The following SLC67A1 variants were observed in gnomAD, a reference collection of about 807,000 sequenced individuals.
SLC67A1 encodes solute carrier family 67 member A1.
the SLC67A1 span, among the ~76,000 whole-genome samples, chr11:2,901,540 G>C: frequency 6.6e-6 from 1 of 152,258 alleles, no homozygotes; most frequent in Admixed American, 6.5e-5. Context: ...CACGGAGAAT[G>C]GTGCCCAGGC....
the SLC67A1 span, chr11:2,916,810 C>T: frequency 1.4e-6 from 2 of 1,387,748 alleles, no homozygotes; most frequent in South Asian, 2.4e-5. Flanking sequence ...CCTGCGTGCT[C>T]CAGCCAAGGG....
the SLC67A1 span, chr11:2,903,371 AC>A: frequency 6.2e-7 from 1 of 1,612,796 alleles, no homozygotes; most frequent in Non-Finnish European, 8.5e-7. Flanking sequence ...GCTCCCAGGG[AC>A]CAGGGCCGGT....
the SLC67A1 span, among the ~76,000 whole-genome samples, chr11:2,922,881 G>A: frequency 6.6e-6 from 1 of 152,192 alleles, no homozygotes; most frequent in Non-Finnish European, 1.5e-5. Flanking sequence ...AGGCCTGGAG[G>A]CCCCGGGGAC....
chr11:2,914,681 T>C, the SLC67A1 span: 4 of 984,914 alleles, frequency 4.1e-6, no homozygotes, highest in Admixed American at 6.1e-5. Flanking sequence ...CCTGCCACCA[T>C]GCCTTGCTTG....
chr11:2,904,976 C>T, the SLC67A1 span, among the ~76,000 whole-genome samples: 1 of 152,136 alleles, frequency 6.6e-6, no homozygotes, highest in Admixed American at 6.5e-5. Context: ...TGTCAATGGA[C>T]TGTAGTGGGT....
the SLC67A1 span, chr11:2,917,960 G>A: frequency 6.4e-7 from 1 of 1,570,686 alleles, no homozygotes; most frequent in Non-Finnish European, 8.7e-7. Context: ...AATGGCCTTT[G>A]CAGGCCTGAA....
chr11:2,925,234 T>A, the SLC67A1 span: 1 of 1,586,880 alleles, frequency 6.3e-7, no homozygotes, highest in Non-Finnish European at 8.6e-7. This position sits in a 1 kb window ranked among gnomAD's most constrained non-coding sequence, Gnocchi z 6.5. Flanking sequence ...AAACTCCTAC[T>A]AAATCCCTCC....
chr11:2,907,356 G>A, the SLC67A1 span, among the ~76,000 whole-genome samples: 3 of 152,132 alleles, frequency 2.0e-5, no homozygotes, highest in Admixed American at 6.5e-5. The surrounding 1 kb of genome is among the most constrained non-coding windows in gnomAD (Gnocchi z 6.7). Flanking sequence ...TGAAACCCAC[G>A]GGGGAGGATC....
the SLC67A1 span, chr11:2,919,446 G>T: frequency 6.8e-7 from 1 of 1,463,734 alleles, no homozygotes; most frequent in Non-Finnish European, 9.6e-7. Context: ...GGCACGGCAG[G>T]GGTCTCCAGT....
the SLC67A1 span, among the ~76,000 whole-genome samples, chr11:2,911,882 T>G: frequency 2.6e-5 from 4 of 152,296 alleles, no homozygotes; most frequent in East Asian, 5.8e-4. Context: ...TCCCTCCCAG[T>G]AGCTGCCAAG....
At chr11:2,901,297 C>T in the SLC67A1 span, among the ~76,000 whole-genome samples, 5 of 152,372 alleles carry the variant, frequency 3.3e-5, no homozygotes, top group East Asian at 1.9e-4. Context: ...CGGCCTTGGG[C>T]CACCTGGCTC....
At chr11:2,915,546 C>T in the SLC67A1 span, among the ~76,000 whole-genome samples, 2 of 152,218 alleles carry the variant, frequency 1.3e-5, no homozygotes, top group Admixed American at 6.5e-5. Flanking sequence ...ATGATCACTG[C>T]GGTCTCCGCG....
chr11:2,908,263 AT>A, the SLC67A1 span: 17 of 1,613,404 alleles, frequency 1.1e-5, no homozygotes, highest in Admixed American at 1.7e-5. Context: ...CCTGGATTCC[AT>A]TGCCTTCGGC....
At chr11:2,909,344 C>T in the SLC67A1 span, 53 of 1,504,066 alleles carry the variant, frequency 3.5e-5, no homozygotes, top group South Asian at 6.3e-4. Flanking sequence ...AGCGCTCATG[C>T]ACACGCTGCC....
the SLC67A1 span, among the ~76,000 whole-genome samples, chr11:2,911,514 G>T: frequency 0.013 from 2,023 of 152,206 alleles, 49 homozygotes; most frequent in African/African-American, 0.046. Flanking sequence ...AGGGCGTGAG[G>T]AGGGCACGGG....
the SLC67A1 span, chr11:2,908,377 C>T: frequency 2.8e-6 from 4 of 1,434,730 alleles, no homozygotes; most frequent in Admixed American, 1.9e-5. Flanking sequence ...TGACCCAGGC[C>T]CCCTCTCAGA....
the SLC67A1 span, among the ~76,000 whole-genome samples, chr11:2,907,613 G>A: frequency 6.6e-6 from 1 of 152,160 alleles, no homozygotes; most frequent in African/African-American, 2.4e-5. This position sits in a 1 kb window ranked among gnomAD's most constrained non-coding sequence, Gnocchi z 6.7. Context: ...ATATGAATTT[G>A]GGGGGTACAC....
the SLC67A1 span, chr11:2,916,824 CG>C: frequency 3.3e-6 from 4 of 1,205,880 alleles, no homozygotes; most frequent in Non-Finnish European, 4.9e-6. Context: ...CCAAGGGGTA[CG>C]GGGGGCCTGA....
the SLC67A1 span, chr11:2,919,522 T>C: frequency 2.7e-6 from 2 of 747,084 alleles, no homozygotes; most frequent in Non-Finnish European, 4.6e-6. Flanking sequence ...GCCTCCCATC[T>C]GGCACATGTC....
Sources: gnomAD v4.1 joint callset for allele counts (sites outside exome capture counted in the v4.1 genomes callset) on GRCh38, gnomAD v4.1.1 for gene constraint, Gnocchi (gnomAD v3.1) non-coding constraint, MANE v1.5 for transcripts, NCBI Gene and HGNC (gene_info 2026-07-23, HGNC 2026-07-21) for gene names.